MTUS1: variants seen among roughly 807,000 people sequenced by gnomAD.
The protein encoded by MTUS1 is microtubule associated scaffold protein 1.
Under a neutral mutation model 120.8 loss-of-function variants are expected in MTUS1, and 109 were observed. That is an observed-to-expected ratio of 0.90 (90% CI 0.77 to 1.06). The LOEUF is 1.06. MTUS1 is among the 50% of genes least tolerant of loss of function. The probability of loss-of-function intolerance (pLI) is 0.00; values close to 1 mark genes in which losing one functional copy is unlikely to be tolerated. For missense variants in MTUS1, 2,210 were observed against 1,486.3 expected, an observed-to-expected ratio of 1.49 and a Z score of -8.01; for synonymous variants, 737 against 550.5, an observed-to-expected ratio of 1.34 and a Z score of -4.74.
chr8:17,737,325 G>T (rs539550419), intron 3 of MTUS1, among the ~76,000 whole-genome samples: 2 of 152,202 alleles, frequency 1.3e-5, no homozygotes, highest in Non-Finnish European at 1.5e-5. Context: ...ATGAGATTAT[G>T]CATTTAAAAG....
chr8:17,760,461 G>T (rs566910145), intron 1 of MTUS1, among the ~76,000 whole-genome samples: 1 of 152,128 alleles, frequency 6.6e-6, no homozygotes, highest in Non-Finnish European at 1.5e-5. Context: ...TTCATGAAAA[G>T]AAAACAATGG....
At chr8:17,646,757 G>A (rs1053193024) in intron 14 of MTUS1, among the ~76,000 whole-genome samples, 1 of 152,184 alleles carries the variant, frequency 6.6e-6, no homozygotes, top group African/African-American at 2.4e-5. Flanking sequence ...GCCAGAGGCC[G>A]TGGGAGCAGG....
At chr8:17,659,568 C>G (rs1809219935) in intron 8 of MTUS1, among the ~76,000 whole-genome samples, 1 of 151,936 alleles carries the variant, frequency 6.6e-6, no homozygotes. Context: ...GTGGTGTGTG[C>G]CTGTAGTCCC....
intron 8 of MTUS1, among the ~76,000 whole-genome samples, chr8:17,662,678 G>C (rs1302916633): frequency 7.9e-5 from 12 of 151,876 alleles, no homozygotes; most frequent in Non-Finnish European, 2.9e-5. Context: ...CATTCCATTA[G>C]TCTATTTTTT....
At chr8:17,801,131 G>A (rs2052651259), upstream of MTUS1, among the ~76,000 whole-genome samples, 2 of 151,702 alleles carry the variant, frequency 1.3e-5, no homozygotes, top group South Asian at 4.1e-4. Context: ...TTGCACCACT[G>A]GCGGGGTCGC....
intron 1 of MTUS1, among the ~76,000 whole-genome samples, chr8:17,756,941 G>C (rs2048671352): frequency 6.6e-6 from 1 of 152,194 alleles, no homozygotes; most frequent in African/African-American, 2.4e-5. Flanking sequence ...CTGTGAGAAA[G>C]TAAGTTTTTG....
intron 2 of MTUS1, among the ~76,000 whole-genome samples, chr8:17,747,873 C>T (rs2047890293): frequency 6.6e-6 from 1 of 152,104 alleles, no homozygotes; most frequent in Non-Finnish European, 1.5e-5. Flanking sequence ...CAAGGAGGAG[C>T]AAGACATGTC....
At chr8:17,652,470 G>A (rs1218031159) in intron 12 of MTUS1, among the ~76,000 whole-genome samples, 1 of 152,070 alleles carries the variant, frequency 6.6e-6, no homozygotes, top group African/African-American at 2.4e-5. Context: ...AAGTAGACGG[G>A]GGAGAGCCTG....
intron 1 of MTUS1, among the ~76,000 whole-genome samples, chr8:17,770,763 C>T (rs144001144): frequency 1.3e-5 from 2 of 152,276 alleles, no homozygotes; most frequent in East Asian, 3.9e-4. Flanking sequence ...TGAGGCTTTA[C>T]AGGCAGAAAA....
intron 7 of MTUS1, among the ~76,000 whole-genome samples, chr8:17,683,437 C>G (rs1815051166): frequency 6.6e-6 from 1 of 152,148 alleles, no homozygotes; most frequent in Admixed American, 6.5e-5. Context: ...AACAAAACTA[C>G]AGAACAACCA....
intron 7 of MTUS1, among the ~76,000 whole-genome samples, chr8:17,682,802 G>C (rs1217367421): frequency 6.6e-6 from 1 of 152,146 alleles, no homozygotes; most frequent in Non-Finnish European, 1.5e-5. Context: ...TTTCTAGTTA[G>C]CTTACTTGGT....
At chr8:17,674,416 C>T in intron 8 of MTUS1, 1 of 960,606 alleles carries the variant, frequency 1.0e-6, no homozygotes, top group African/African-American at 1.8e-5. Context: ...AAGATTCCGT[C>T]TCAAAAAAAA....
rs1005385646 is a variant in MTUS1, at chr8:17,781,942, T to G, written c.-155+19119A>C. Reference sequence around the variant, plus strand: ...TGTGGGATTAGCAACACTCCACTGCTAACACAGCAAGTCTCAGGTCCTAAG... The same window carrying G: ...TGTGGGATTAGCAACACTCCACTGCGAACACAGCAAGTCTCAGGTCCTAAG... On this transcript the variant is annotated intron_variant, in intron 1 of 14. Coordinates refer to ENST00000693296, the MANE Select transcript of MTUS1 (RefSeq NM_001363059.2). 7.9e-5 allele frequency among the ~76,000 whole-genome samples: 12 copies of G among 152,314 alleles called. No individual in the cohort carries two copies. In the East Asian group the frequency reaches 1.9e-3, roughly 25 times the overall value.
At chr8:17,787,643 C>T (rs113774137) in intron 1 of MTUS1, among the ~76,000 whole-genome samples, 1 of 152,198 alleles carries the variant, frequency 6.6e-6, no homozygotes, top group Non-Finnish European at 1.5e-5. Context: ...TCATTTTCCT[C>T]ATGGACAAAA....
chr8:17,799,274 T>C (rs1163678125), intron 1 of MTUS1, among the ~76,000 whole-genome samples: 2 of 152,170 alleles, frequency 1.3e-5, no homozygotes, highest in Non-Finnish European at 2.9e-5. Context: ...GAAAACCAGT[T>C]TGATACATCT....
At chr8:17,688,869 A>C (rs1055232521) in intron 6 of MTUS1, among the ~76,000 whole-genome samples, 1 of 152,162 alleles carries the variant, frequency 6.6e-6, no homozygotes, top group African/African-American at 2.4e-5. Context: ...CATTTACTGA[A>C]AATGGAAAAT....
At chr8:17,715,013 C>T (rs1204157340) in intron 5 of MTUS1, among the ~76,000 whole-genome samples, 1 of 137,120 alleles carries the variant, frequency 7.3e-6, no homozygotes, top group Non-Finnish European at 1.5e-5. Flanking sequence ...TCAAGCAATT[C>T]TCATGCCTCA....
chr8:17,682,093 T>A (rs1585653645), intron 7 of MTUS1, among the ~76,000 whole-genome samples: 2 of 152,162 alleles, frequency 1.3e-5, no homozygotes, highest in East Asian at 3.9e-4. Flanking sequence ...ACACATCAGC[T>A]GTAGATAAGG....
intron 6 of MTUS1, among the ~76,000 whole-genome samples, chr8:17,708,053 G>C (rs990549004): frequency 6.6e-6 from 1 of 152,254 alleles, no homozygotes; most frequent in Non-Finnish European, 1.5e-5. Flanking sequence ...TTAGGCAACT[G>C]TTTCTGAGAT....
Sources: allele counts gnomAD v4.1 joint callset (sites outside exome capture counted in the v4.1 genomes callset), GRCh38; gene constraint gnomAD v4.1.1; transcripts MANE v1.5; gene names NCBI Gene and HGNC (gene_info 2026-07-23, HGNC 2026-07-21).